ELAVL2: variants seen among roughly 807,000 people sequenced by gnomAD.
ELAVL2 encodes the protein ELAV like RNA binding protein 2, also known as ELAV-like protein 2.
In ELAVL2, 4 loss-of-function variants were observed where a neutral mutation model predicts 34.6. That is an observed-to-expected ratio of 0.12 (90% CI 0.06 to 0.26). The LOEUF (loss-of-function observed/expected upper bound fraction) is 0.26, where lower values mean the gene tolerates loss of function less well. ELAVL2 is among the 10% of genes least tolerant of loss of function. The probability of loss-of-function intolerance (pLI) is 1.00; values close to 1 mark genes in which losing one functional copy is unlikely to be tolerated. For synonymous variants in ELAVL2, 193 were observed against 154.8 expected, an observed-to-expected ratio of 1.25 and a Z score of -1.83; for missense variants, 432 against 442.8, an observed-to-expected ratio of 0.98 and a Z score of 0.22.
chr9:23,821,906 G>A (rs1238427636), intron 1 of ELAVL2: 1 of 151,234 alleles, frequency 6.6e-6, no homozygotes, highest in Non-Finnish European at 1.5e-5. Flanking sequence ...GGCCGGCGGC[G>A]AGTTCGCGGC....
chr9:23,750,031 GA>G (rs10718431), intron 2 of ELAVL2, among the ~76,000 whole-genome samples: 53,774 of 136,466 alleles, frequency 0.39, 10,095 homozygotes, highest in East Asian at 0.58. Context: ...CTTAAAAAAG[GA>G]AAAAAAAAAA....
chr9:23,779,218 G>T (rs1439051426), intron 1 of ELAVL2: 1 of 985,238 alleles, frequency 1.0e-6, no homozygotes, highest in Non-Finnish European at 1.2e-6. Flanking sequence ...GGAACTGAAG[G>T]GTAAATAAGA....
chr9:23,782,818 G>T (rs553285712), intron 1 of ELAVL2, among the ~76,000 whole-genome samples: 27 of 152,178 alleles, frequency 1.8e-4, no homozygotes, highest in Non-Finnish European at 2.8e-4. Context: ...CCAAGGTTTG[G>T]TAAACAGACT....
At chr9:23,723,585 G>A (rs1241210047) in intron 3 of ELAVL2, among the ~76,000 whole-genome samples, 3 of 150,056 alleles carry the variant, frequency 2.0e-5, no homozygotes, top group African/African-American at 4.9e-5. Context: ...AAAAAAAAAA[G>A]AAAAGATTTT....
intron 1 of ELAVL2, among the ~76,000 whole-genome samples, chr9:23,787,227 C>A (rs1588504778): frequency 6.6e-6 from 1 of 151,710 alleles, no homozygotes; most frequent in East Asian, 1.9e-4. Context: ...CCCCTGTGAT[C>A]CTAATAACTT....
At chr9:23,806,198 A>C (rs1038440355) in intron 1 of ELAVL2, among the ~76,000 whole-genome samples, 1 of 152,236 alleles carries the variant, frequency 6.6e-6, no homozygotes, top group Non-Finnish European at 1.5e-5. Context: ...CCAATTGGTT[A>C]AATATGTAAG....
intron 2 of ELAVL2, among the ~76,000 whole-genome samples, chr9:23,736,054 TA>T (rs1207218303): frequency 6.6e-6 from 1 of 152,224 alleles, no homozygotes; most frequent in African/African-American, 2.4e-5. Context: ...ATATTTTAAT[TA>T]AAAATACACA....
At chr9:23,799,963 T>C (rs1473487329) in intron 1 of ELAVL2, among the ~76,000 whole-genome samples, 1 of 152,104 alleles carries the variant, frequency 6.6e-6, no homozygotes, top group African/African-American at 2.4e-5. Context: ...ACTCTGTGGG[T>C]GGGTGCAGGG....
chr9:23,828,820 C>T (rs1158222795), upstream of ELAVL2, among the ~76,000 whole-genome samples: 1 of 152,062 alleles, frequency 6.6e-6, no homozygotes, highest in Non-Finnish European at 1.5e-5. Context: ...TTATAAGCAA[C>T]ATGTACTTTT....
intron 1 of ELAVL2, among the ~76,000 whole-genome samples, chr9:23,768,859 C>T (rs956198415): frequency 1.3e-5 from 2 of 152,118 alleles, no homozygotes; most frequent in African/African-American, 4.8e-5. Flanking sequence ...CATTTAGAAG[C>T]ACATCATGAT....
At chr9:23,736,605 G>A (rs934280164) in intron 2 of ELAVL2, among the ~76,000 whole-genome samples, 3 of 152,100 alleles carry the variant, frequency 2.0e-5, no homozygotes, top group Non-Finnish European at 2.9e-5. Context: ...TGTGCAAGAC[G>A]TTCCAGCCCA....
chr9:23,759,473 C>T (rs892388807), intron 2 of ELAVL2, among the ~76,000 whole-genome samples: 16 of 151,586 alleles, frequency 1.1e-4, no homozygotes, highest in Admixed American at 2.0e-4. Flanking sequence ...GAAATAAGTT[C>T]TGGTGTGCTA....
chr9:23,763,180 G>C (rs2055437132), intron 1 of ELAVL2, among the ~76,000 whole-genome samples: 1 of 152,106 alleles, frequency 6.6e-6, no homozygotes, highest in African/African-American at 2.4e-5. Flanking sequence ...TGTTGAAAAT[G>C]CAAGTAATAG....
chr9:23,850,239 C>T, the ELAVL2 span, among the ~76,000 whole-genome samples: 2 of 150,134 alleles, frequency 1.3e-5, no homozygotes, highest in East Asian at 2.0e-4. Flanking sequence ...ACCACCACCC[C>T]CCCCGCCCCC....
chr9:23,802,685 C>T (rs1302666018), intron 1 of ELAVL2, among the ~76,000 whole-genome samples: 1 of 152,138 alleles, frequency 6.6e-6, no homozygotes, highest in Non-Finnish European at 1.5e-5. Flanking sequence ...CAAGAGAATG[C>T]CTTTTCCTCT....
intron 5 of ELAVL2, among the ~76,000 whole-genome samples, chr9:23,695,382 G>C (rs1170177999): frequency 2.0e-5 from 3 of 152,056 alleles, no homozygotes; most frequent in African/African-American, 7.2e-5. Context: ...ATCCATGTAG[G>C]GACAGGTCAT....
chr9:23,701,891 G>GT (rs1302550317), intron 4 of ELAVL2, among the ~76,000 whole-genome samples: 1 of 152,098 alleles, frequency 6.6e-6, no homozygotes. Flanking sequence ...GCATGTCCAT[G>GT]TTTTCTCTCT....
At chr9:23,723,338 G>C (rs185704983) in intron 3 of ELAVL2, among the ~76,000 whole-genome samples, 3 of 151,792 alleles carry the variant, frequency 2.0e-5, no homozygotes, top group East Asian at 3.9e-4. Flanking sequence ...ACCAAACACC[G>C]CATGTTCTCA....
At position 23,805,638 on chromosome 9, in the gene ELAVL2, C is replaced by T. The variant is rs540415211; in HGVS notation, c.-16+20168G>A. On this transcript the variant is annotated intron_variant, in intron 1 of 6. Coordinates refer to ENST00000397312, the MANE Select transcript of ELAVL2 (RefSeq NM_004432.5). Reference sequence around the variant, plus strand: ...CACAGGAGAACCTGGCCCAATAACGCTTCTTAAAGTTAGCCATCCATGATT... The same window carrying T: ...CACAGGAGAACCTGGCCCAATAACGTTTCTTAAAGTTAGCCATCCATGATT... 3.6e-4 allele frequency among the ~76,000 whole-genome samples: 55 copies of T among 152,294 alleles called. No individual in the cohort carries two copies. The Middle Eastern group carries it at 0.01, about 28-fold the overall frequency.
Sources: gnomAD v4.1 joint callset for allele counts (sites outside exome capture counted in the v4.1 genomes callset) on GRCh38, gnomAD v4.1.1 for gene constraint, MANE v1.5 for transcripts, NCBI Gene and HGNC (gene_info 2026-07-23, HGNC 2026-07-21) for gene names.